KLF8: variants seen among roughly 807,000 people sequenced by gnomAD.
KLF8 encodes Krueppel-like factor 8.
Under a neutral mutation model 18.2 loss-of-function variants are expected in KLF8, and 10 were observed. The ratio of observed to expected loss-of-function variants is 0.55; its 90% CI spans 0.34 to 0.93. The LOEUF (loss-of-function observed/expected upper bound fraction) is 0.93, where lower values mean the gene tolerates loss of function less well. KLF8 is among the 40% of genes least tolerant of loss of function. The probability of loss-of-function intolerance (pLI) is 0.02; values close to 1 mark genes in which losing one functional copy is unlikely to be tolerated. For synonymous variants in KLF8, 109 were observed against 97.3 expected (o/e 1.12, Z -0.71); for missense variants, 264 against 277.9 (o/e 0.95, Z 0.36).
the KLF8 span, among the ~76,000 whole-genome samples, chrX:56,005,178 G>A: frequency 1.8e-5 from 2 of 110,427 alleles, no homozygotes; most frequent in African/African-American, 6.6e-5. Flanking sequence ...GAGTAGCTGG[G>A]ATTACAGGTG....
chrX:56,047,035 C>T, the KLF8 span, among the ~76,000 whole-genome samples: 1 of 108,411 alleles, frequency 9.2e-6, no homozygotes, highest in Non-Finnish European at 1.9e-5. Context: ...TAGTCCGAAA[C>T]TTCTTGGAGG....
chrX:56,250,598 G>A (rs1267899668), intron 2 of KLF8, among the ~76,000 whole-genome samples: 1 of 111,762 alleles, frequency 8.9e-6, no homozygotes, highest in Admixed American at 9.5e-5. Context: ...ATTTCAGATA[G>A]GATGAAGATT....
At chrX:56,154,885 A>C in the KLF8 span, among the ~76,000 whole-genome samples, 22 of 112,201 alleles carry the variant, frequency 2.0e-4, no homozygotes, top group African/African-American at 4.8e-4. Flanking sequence ...CAGAGAAATG[A>C]AAATCAAAAC....
the KLF8 span, among the ~76,000 whole-genome samples, chrX:56,125,470 A>T: frequency 8.9e-6 from 1 of 112,343 alleles, no homozygotes; most frequent in South Asian, 3.7e-4. Flanking sequence ...CAGGGCATGG[A>T]TAATGTAGCC....
the KLF8 span, among the ~76,000 whole-genome samples, chrX:56,144,504 C>T: frequency 2.7e-5 from 3 of 109,227 alleles, no homozygotes; most frequent in East Asian, 5.9e-4. Flanking sequence ...AATCCCAGCA[C>T]TTTGGGAGGC....
the KLF8 span, among the ~76,000 whole-genome samples, chrX:56,141,876 A>G: frequency 8.9e-6 from 1 of 111,933 alleles, no homozygotes; most frequent in African/African-American, 3.2e-5. Context: ...TCAAGCCAAA[A>G]GTTATATGAA....
the KLF8 span, among the ~76,000 whole-genome samples, chrX:56,126,143 G>A: frequency 1.8e-5 from 2 of 111,441 alleles, no homozygotes; most frequent in Non-Finnish European, 3.8e-5. Flanking sequence ...ATGACTCAGC[G>A]TTACAATGGC....
intron 2 of KLF8, among the ~76,000 whole-genome samples, chrX:56,250,996 A>G (rs962769228): frequency 6.2e-5 from 7 of 112,405 alleles, no homozygotes; most frequent in East Asian, 2.8e-4. Context: ...TTAAAGTACA[A>G]TGTTTTAAAT....
chrX:56,158,697 T>G, the KLF8 span, among the ~76,000 whole-genome samples: 1 of 112,137 alleles, frequency 8.9e-6, no homozygotes, highest in Non-Finnish European at 1.9e-5. Context: ...TGTCTGTTAT[T>G]GGTGTATAAA....
At chrX:55,988,200 G>A in the KLF8 span, among the ~76,000 whole-genome samples, 1 of 111,342 alleles carries the variant, frequency 9.0e-6, no homozygotes, top group Non-Finnish European at 1.9e-5. Context: ...AAGCTCTTTA[G>A]TTTAATTAGA....
At chrX:56,221,313 A>C in the KLF8 span, among the ~76,000 whole-genome samples, 1 of 111,886 alleles carries the variant, frequency 8.9e-6, no homozygotes, top group Non-Finnish European at 1.9e-5. Flanking sequence ...CCTTATTCCA[A>C]CACAGAGTGG....
the KLF8 span, among the ~76,000 whole-genome samples, chrX:56,105,580 C>G: frequency 9.3e-6 from 1 of 107,152 alleles, no homozygotes; most frequent in African/African-American, 3.4e-5. Flanking sequence ...TCCTCCATCC[C>G]TTTATTTTGA....
At chrX:56,108,189 C>A in the KLF8 span, among the ~76,000 whole-genome samples, 4 of 111,537 alleles carry the variant, frequency 3.6e-5, no homozygotes, top group East Asian at 1.1e-3. Context: ...AATGACAATG[C>A]ATTTTTTTTA....
chrX:56,109,457 A>G, the KLF8 span, among the ~76,000 whole-genome samples: 2 of 110,217 alleles, frequency 1.8e-5, no homozygotes, highest in African/African-American at 6.6e-5. Flanking sequence ...TGAGAAAAAT[A>G]TGTATTCTAA....
the KLF8 span, among the ~76,000 whole-genome samples, chrX:56,190,133 G>C: frequency 1.8e-5 from 2 of 111,246 alleles, no homozygotes; most frequent in East Asian, 5.6e-4. Flanking sequence ...TAAAGGGATG[G>C]AAAATTATAT....
chrX:56,045,323 G>A, the KLF8 span, among the ~76,000 whole-genome samples: 2 of 111,686 alleles, frequency 1.8e-5, no homozygotes, highest in African/African-American at 6.5e-5. Context: ...TTTGAAGTTT[G>A]GTAATGTGAT....
chrX:56,183,205 A>C, the KLF8 span, among the ~76,000 whole-genome samples: 11 of 111,924 alleles, frequency 9.8e-5, no homozygotes, highest in East Asian at 5.6e-4. Flanking sequence ...GCCACCTTGC[A>C]GTTCGATCTT....
Position 56,289,934 on chromosome X carries a change from C to T in KLF8, c.*5440C>T. On this transcript the variant is annotated 3_prime_UTR_variant, in exon 6 of 6. Coordinates refer to ENST00000468660, the MANE Select transcript of KLF8 (RefSeq NM_007250.5). ...GCCCCCAAAAAGTTTTCTCATGAAC[C>T]AAACCATCAAGAATGTACCTAACCT... is the stretch of plus-strand genomic sequence containing the variant. 9.0e-6 allele frequency among the ~76,000 whole-genome samples: 1 copy of T among 111,526 alleles called. No homozygotes were observed. The highest frequency in any genetic ancestry group is 1.9e-5 in the Non-Finnish European group (1 of 53,049).
chrX:55,994,260 C>T, the KLF8 span, among the ~76,000 whole-genome samples: 5 of 108,260 alleles, frequency 4.6e-5, no homozygotes, highest in African/African-American at 1.7e-4. Flanking sequence ...ATTTCTGTAG[C>T]ATTGGTGGTA....
Sources: gnomAD v4.1 joint callset for allele counts (sites outside exome capture counted in the v4.1 genomes callset) on GRCh38, gnomAD v4.1.1 for gene constraint, MANE v1.5 for transcripts, NCBI Gene and HGNC (gene_info 2026-07-23, HGNC 2026-07-21) for gene names.